The following QTGAL variants were observed in gnomAD, a reference collection of about 807,000 sequenced individuals.
QTGAL encodes the protein BGnT-like protein 1.
chr17:83,010,063 GGGGGCCCCTGGTGTGTGGAGCTGCA>G, the QTGAL span, among the ~76,000 whole-genome samples: 1 of 128,096 alleles, frequency 7.8e-6, no homozygotes, highest in Non-Finnish European at 1.7e-5. Flanking sequence ...GGGGGGCTGT[GGGGGCCCCTGGTGTGTGGAGCTGCA>G]GGGGACCCTG....
the QTGAL span, among the ~76,000 whole-genome samples, chr17:83,011,933 C>T: frequency 1.4e-4 from 21 of 150,136 alleles, no homozygotes; most frequent in Non-Finnish European, 2.5e-4. Context: ...TTTGAACACA[C>T]GCCACGAACT....
the QTGAL span, among the ~76,000 whole-genome samples, chr17:82,972,131 A>C: frequency 0.06 from 475 of 7,866 alleles, no homozygotes; most frequent in African/African-American, 0.19. Flanking sequence ...ACCACAGGGG[A>C]TAGAAGGACC....
chr17:83,013,204 G>A, the QTGAL span, among the ~76,000 whole-genome samples: 2 of 151,962 alleles, frequency 1.3e-5, no homozygotes, highest in Non-Finnish European at 2.9e-5. Flanking sequence ...AGCCACGCTG[G>A]GGCCACTGAG....
chr17:82,945,800 G>T, the QTGAL span: 1 of 152,210 alleles, frequency 6.6e-6, no homozygotes, highest in Admixed American at 6.5e-5. Context: ...GGGTGCCCCT[G>T]GTTGAGAACC....
the QTGAL span, among the ~76,000 whole-genome samples, chr17:83,001,883 C>G: frequency 6.6e-6 from 1 of 152,090 alleles, no homozygotes; most frequent in Non-Finnish European, 1.5e-5. Context: ...GATCCTCCCA[C>G]CTCAGCCTCC....
the QTGAL span, among the ~76,000 whole-genome samples, chr17:82,950,645 G>A: frequency 1.3e-5 from 2 of 152,174 alleles, no homozygotes; most frequent in African/African-American, 4.8e-5. Context: ...CTTAGAAAAC[G>A]TCTTTCTCCA....
chr17:82,991,637 C>T, the QTGAL span, among the ~76,000 whole-genome samples: 1 of 152,186 alleles, frequency 6.6e-6, no homozygotes, highest in Non-Finnish European at 1.5e-5. Flanking sequence ...ATACCTATCT[C>T]TGCAATGCCC....
At chr17:83,024,679 C>A in the QTGAL span, among the ~76,000 whole-genome samples, 1 of 152,258 alleles carries the variant, frequency 6.6e-6, no homozygotes, top group Non-Finnish European at 1.5e-5. Context: ...GCTGAGACTG[C>A]GGAAGCTGCG....
At chr17:83,041,767 T>G in the QTGAL span, among the ~76,000 whole-genome samples, 1 of 152,248 alleles carries the variant, frequency 6.6e-6, no homozygotes, top group African/African-American at 2.4e-5. Context: ...ATCATAAAGT[T>G]GAAACATGGT....
the QTGAL span, among the ~76,000 whole-genome samples, chr17:82,986,156 C>CA: frequency 6.6e-6 from 1 of 152,250 alleles, no homozygotes; most frequent in East Asian, 1.9e-4. Flanking sequence ...ACCAGACACT[C>CA]ACAAAGGTGA....
the QTGAL span, chr17:82,947,290 G>A: frequency 7.5e-6 from 3 of 402,582 alleles, no homozygotes; most frequent in South Asian, 4.8e-5. Flanking sequence ...AACAGGCAAT[G>A]CCTCTGCTGT....
chr17:83,011,187 G>A, the QTGAL span, among the ~76,000 whole-genome samples: 3 of 152,236 alleles, frequency 2.0e-5, no homozygotes, highest in South Asian at 2.1e-4. Context: ...AGGGTCAGCC[G>A]GGGCGAGAGG....
chr17:82,951,138 C>T, the QTGAL span, among the ~76,000 whole-genome samples: 1 of 152,224 alleles, frequency 6.6e-6, no homozygotes, highest in South Asian at 2.1e-4. Flanking sequence ...AAGAGTCAGA[C>T]TGTCTTTTGA....
At chr17:82,947,288 A>G in the QTGAL span, 82 of 409,802 alleles carry the variant, frequency 2.0e-4, no homozygotes, top group Non-Finnish European at 3.0e-4. Flanking sequence ...CTAACAGGCA[A>G]TGCCTCTGCT....
chr17:82,986,451 G>A, the QTGAL span, among the ~76,000 whole-genome samples: 3 of 152,194 alleles, frequency 2.0e-5, no homozygotes, highest in Non-Finnish European at 2.9e-5. Flanking sequence ...AAACAAATTC[G>A]CTTCCCCACG....
the QTGAL span, among the ~76,000 whole-genome samples, chr17:83,002,326 G>A: frequency 2.1e-4 from 32 of 152,288 alleles, no homozygotes; most frequent in African/African-American, 7.2e-4. Context: ...CTCAACATGT[G>A]TCCAGACTGC....
At chr17:82,960,604 A>G in the QTGAL span, 1 of 157,350 alleles carries the variant, frequency 6.4e-6, no homozygotes, top group Non-Finnish European at 1.4e-5. Context: ...TCACAGTGAC[A>G]CGGGAGAGGG....
At chr17:82,966,421 C>T in the QTGAL span, among the ~76,000 whole-genome samples, 1 of 152,096 alleles carries the variant, frequency 6.6e-6, no homozygotes, top group Non-Finnish European at 1.5e-5. Flanking sequence ...ATTTTGAAAA[C>T]CATGAACAAA....
the QTGAL span, among the ~76,000 whole-genome samples, chr17:82,953,422 G>T: frequency 6.6e-6 from 1 of 152,092 alleles, no homozygotes; most frequent in Non-Finnish European, 1.5e-5. Context: ...AGACGAAATG[G>T]ATAAATTCCT....
Sources: allele counts gnomAD v4.1 joint callset (sites outside exome capture counted in the v4.1 genomes callset), GRCh38; gene constraint gnomAD v4.1.1; transcripts MANE v1.5; gene names NCBI Gene and HGNC (gene_info 2026-07-23, HGNC 2026-07-21).